The following SUCLG2 variants were observed in gnomAD, a reference collection of about 807,000 sequenced individuals.
SUCLG2 encodes the protein succinate--CoA ligase [GDP-forming] subunit beta, mitochondrial.
Under a neutral mutation model 47.9 loss-of-function variants are expected in SUCLG2, and 42 were observed. The observed-to-expected ratio is 0.88, with a 90% CI of 0.69 to 1.14. The LOEUF is 1.14. Among genes scored for constraint, SUCLG2 ranks in the 50% most tolerant of loss-of-function variants. The pLI, the probability that SUCLG2 is intolerant of heterozygous loss-of-function variation, is 0.00. For synonymous variants in SUCLG2, 195 were observed against 197.3 expected (o/e 0.99, Z 0.10); for missense variants, 571 against 525.9 (o/e 1.09, Z -0.84).
At chr3:67,412,613 C>T (rs2106839894) in intron 9 of SUCLG2, among the ~76,000 whole-genome samples, 1 of 152,162 alleles carries the variant, frequency 6.6e-6, no homozygotes, top group Non-Finnish European at 1.5e-5. Context: ...CCTCCCAGCA[C>T]GATTGTCTTG....
chr3:67,440,019 G>T (rs1319074226), intron 9 of SUCLG2, among the ~76,000 whole-genome samples: 1 of 152,136 alleles, frequency 6.6e-6, no homozygotes. Context: ...CATGGTATTA[G>T]TACCAAAACA....
At chr3:67,583,316 T>C (rs1010634813) in intron 2 of SUCLG2, among the ~76,000 whole-genome samples, 2 of 152,162 alleles carry the variant, frequency 1.3e-5, no homozygotes, top group Non-Finnish European at 2.9e-5. Context: ...CTTGCCTGCC[T>C]CCTCACTGGT....
At chr3:67,394,593 A>G (rs1003645899) in intron 10 of SUCLG2, among the ~76,000 whole-genome samples, 3 of 152,002 alleles carry the variant, frequency 2.0e-5, no homozygotes, top group Non-Finnish European at 4.4e-5. Flanking sequence ...GTTGGAAAAC[A>G]CTCTGCAGGA....
intron 2 of SUCLG2, among the ~76,000 whole-genome samples, chr3:67,563,464 G>A (rs1009439477): frequency 1.3e-5 from 2 of 152,148 alleles, no homozygotes; most frequent in Admixed American, 6.6e-5. Context: ...AAGTAAATAT[G>A]ATACGTCCAT....
intron 10 of SUCLG2, among the ~76,000 whole-genome samples, chr3:67,390,870 T>C (rs1229031367): frequency 1.3e-5 from 2 of 152,198 alleles, no homozygotes; most frequent in Admixed American, 6.5e-5. Context: ...ATAATAATTT[T>C]TTAAGAATTC....
At chr3:67,554,749 G>A (rs910742789) in intron 2 of SUCLG2, among the ~76,000 whole-genome samples, 12 of 152,082 alleles carry the variant, frequency 7.9e-5, no homozygotes, top group African/African-American at 2.7e-4. Context: ...TCAACATATG[G>A]CTTCCACTTC....
In SUCLG2 at chr3:67,393,312, C is replaced by T. The variant is rs538526911; in HGVS notation, c.1183+7419G>A. ...TGGCACCTGGAAAATCGGGTCACTC[C>T]CACCCGAATACTGCGCTTTTCCGAC... On this transcript the variant is annotated intron_variant, in intron 10 of 10. Coordinates refer to ENST00000307227, the MANE Select transcript of SUCLG2 (RefSeq NM_003848.4). Among the ~76,000 whole-genome samples, 1,086 of 152,308 alleles carry T rather than the reference C, an allele frequency of 7.1e-3. 6 individuals carry two copies. The highest frequency in any genetic ancestry group is 0.011 in the Non-Finnish European group (762 of 68,020).
At chr3:67,540,921 C>T (rs1337595553) in intron 2 of SUCLG2, among the ~76,000 whole-genome samples, 3 of 152,126 alleles carry the variant, frequency 2.0e-5, no homozygotes, top group Admixed American at 6.5e-5. Context: ...TGTAGTGGAC[C>T]GCCAGCAAAT....
intron 2 of SUCLG2, among the ~76,000 whole-genome samples, chr3:67,546,180 A>G (rs1230597807): frequency 6.6e-6 from 1 of 152,246 alleles, no homozygotes; most frequent in East Asian, 1.9e-4. Flanking sequence ...ACAAGCTGGT[A>G]TAAATTTTAC....
At chr3:67,504,952 C>T (rs552409021) in intron 7 of SUCLG2, among the ~76,000 whole-genome samples, 11 of 152,240 alleles carry the variant, frequency 7.2e-5, no homozygotes, top group East Asian at 1.9e-4. Context: ...AGGAAAATAA[C>T]GATTAATTTC....
exon 11 of SUCLG2, chr3:67,360,581 A>C (rs1230926201): frequency 6.9e-7 from 1 of 1,448,230 alleles, no homozygotes; most frequent in East Asian, 2.5e-5. Context: ...GATGATATTC[A>C]TTAATTTGGA....
chr3:67,486,060 C>T (rs1310849056), intron 9 of SUCLG2, among the ~76,000 whole-genome samples: 1 of 152,128 alleles, frequency 6.6e-6, no homozygotes, highest in Admixed American at 6.5e-5. Context: ...CGCTTGAGCC[C>T]AGGAGTTTGA....
intron 7 of SUCLG2, among the ~76,000 whole-genome samples, chr3:67,503,007 G>A (rs28501325): frequency 0.05 from 7,643 of 152,154 alleles, 282 homozygotes; most frequent in East Asian, 0.1. Context: ...CTAAGCAAAG[G>A]GTAGCAACTA....
At chr3:67,433,864 T>C (rs1703548751) in intron 9 of SUCLG2, among the ~76,000 whole-genome samples, 1 of 152,080 alleles carries the variant, frequency 6.6e-6, no homozygotes, top group Non-Finnish European at 1.5e-5. Context: ...CAAAAACATC[T>C]ATAAAACACA....
chr3:67,642,013 A>C (rs1701109948), intron 1 of SUCLG2, among the ~76,000 whole-genome samples: 2 of 152,198 alleles, frequency 1.3e-5, no homozygotes, highest in South Asian at 4.1e-4. Context: ...AATCATATTG[A>C]ATTAGGGCCC....
intron 2 of SUCLG2, among the ~76,000 whole-genome samples, chr3:67,573,720 C>A (rs1033997675): frequency 6.6e-6 from 1 of 152,152 alleles, no homozygotes; most frequent in Admixed American, 6.5e-5. Context: ...GGGATTCAAA[C>A]GGCCTGGTGG....
At chr3:67,509,880 C>G (rs1358293467) in intron 6 of SUCLG2, among the ~76,000 whole-genome samples, 1 of 152,214 alleles carries the variant, frequency 6.6e-6, no homozygotes, top group African/African-American at 2.4e-5. Context: ...GAAGGTGACT[C>G]TTACAGGCTG....
intron 2 of SUCLG2, among the ~76,000 whole-genome samples, chr3:67,542,511 C>A (rs925852004): frequency 6.6e-6 from 1 of 152,070 alleles, no homozygotes; most frequent in Non-Finnish European, 1.5e-5. Flanking sequence ...GAGGTAAATG[C>A]CCCAATTAAA....
At chr3:67,623,720 A>G (rs1293004002) in intron 1 of SUCLG2, among the ~76,000 whole-genome samples, 6 of 152,220 alleles carry the variant, frequency 3.9e-5, no homozygotes, top group Non-Finnish European at 7.3e-5. Context: ...GCCCAAACAC[A>G]TCACCAGTGT....
Sources: gnomAD v4.1 joint callset for allele counts (sites outside exome capture counted in the v4.1 genomes callset) on GRCh38, gnomAD v4.1.1 for gene constraint, MANE v1.5 for transcripts, NCBI Gene and HGNC (gene_info 2026-07-23, HGNC 2026-07-21) for gene names.